Variants in SIL1 observed in about 807,000 individuals in gnomAD.
SIL1 encodes nucleotide exchange factor SIL1.
SIL1 carries 40 observed loss-of-function variants against 49.1 expected under a neutral mutation model. The ratio of observed to expected loss-of-function variants is 0.81; its 90% CI spans 0.63 to 1.06. SIL1 has a LOEUF of 1.06. Ranked by LOEUF, SIL1 falls within the 50% of genes least tolerant of loss-of-function variation. The pLI, the probability that SIL1 is intolerant of heterozygous loss-of-function variation, is 0.00. For missense variants in SIL1, 500 were observed against 572.6 expected (o/e 0.87, Z 1.29); for synonymous variants, 253 against 250.8 (o/e 1.01, Z -0.08).
At chr5:139,123,649 G>T (rs1276224942) in intron 2 of SIL1, among the ~76,000 whole-genome samples, 2 of 152,212 alleles carry the variant, frequency 1.3e-5, no homozygotes, top group African/African-American at 2.4e-5. Flanking sequence ...CCTTGGAGGT[G>T]TGTCAATGAA....
chr5:139,192,980 A>C (rs1752200663), intron 1 of SIL1, among the ~76,000 whole-genome samples: 1 of 142,398 alleles, frequency 7.0e-6, no homozygotes, highest in African/African-American at 2.6e-5. Flanking sequence ...CTGGGCAACA[A>C]GAGCGAAACT....
intron 3 of SIL1, among the ~76,000 whole-genome samples, chr5:139,098,165 G>A (rs1486164092): frequency 1.3e-5 from 2 of 152,102 alleles, no homozygotes; most frequent in Admixed American, 6.5e-5. Context: ...AACAAAACTG[G>A]AGGAATCACA....
intron 3 of SIL1, among the ~76,000 whole-genome samples, chr5:139,115,478 C>T (rs1271165592): frequency 6.6e-6 from 1 of 152,070 alleles, no homozygotes; most frequent in Non-Finnish European, 1.5e-5. Context: ...TCAGCCCCAG[C>T]CCCACTCTGA....
At chr5:139,171,077 G>T (rs554951793) in intron 1 of SIL1, among the ~76,000 whole-genome samples, 3 of 147,796 alleles carry the variant, frequency 2.0e-5, no homozygotes, top group South Asian at 4.3e-4. Context: ...GGAGGGAGGT[G>T]GGGGGGTCAG....
At chr5:139,118,526 G>A in intron 3 of SIL1, among the ~76,000 whole-genome samples, 1 of 152,096 alleles carries the variant, frequency 6.6e-6, no homozygotes, top group Non-Finnish European at 1.5e-5. Context: ...TCTGTGACTT[G>A]CCCAAGATCC....
chr5:139,169,884 C>G (rs13163040), intron 1 of SIL1, among the ~76,000 whole-genome samples: 5 of 81,898 alleles, frequency 6.1e-5, no homozygotes, highest in Non-Finnish European at 7.8e-5. Flanking sequence ...GTCTCCCTCT[C>G]CCTCTCTCTC....
chr5:139,040,506 T>C (rs1581051718), intron 5 of SIL1, among the ~76,000 whole-genome samples: 1 of 143,578 alleles, frequency 7.0e-6, no homozygotes, highest in Non-Finnish European at 1.5e-5. Flanking sequence ...TTCTTTTTTT[T>C]TTTTTTTTTG....
intron 3 of SIL1, among the ~76,000 whole-genome samples, chr5:139,070,403 G>T (rs538075847): frequency 6.6e-6 from 1 of 152,158 alleles, no homozygotes; most frequent in South Asian, 2.1e-4. Context: ...AATGTATGAG[G>T]ATTATAACAT....
At chr5:139,025,101 A>G (rs1045781673) in intron 6 of SIL1, among the ~76,000 whole-genome samples, 1 of 152,204 alleles carries the variant, frequency 6.6e-6, no homozygotes. Context: ...CTTCTGCTAG[A>G]AGGTTAAGCC....
At chr5:139,040,477 A>ATTTT (rs1433157841) in intron 5 of SIL1, among the ~76,000 whole-genome samples, 2 of 95,644 alleles carry the variant, frequency 2.1e-5, no homozygotes, top group Non-Finnish European at 4.2e-5. Context: ...GGAGAGGAGT[A>ATTTT]TTTTTTCTTT....
At chr5:139,005,118 G>A (rs1228627822) in intron 7 of SIL1, among the ~76,000 whole-genome samples, 2 of 152,164 alleles carry the variant, frequency 1.3e-5, no homozygotes, top group Non-Finnish European at 2.9e-5. Context: ...AAATGCTGAG[G>A]CAGGGATGTT....
intron 7 of SIL1, among the ~76,000 whole-genome samples, chr5:138,959,730 G>C (rs1423382931): frequency 6.6e-6 from 1 of 152,212 alleles, no homozygotes; most frequent in Non-Finnish European, 1.5e-5. Flanking sequence ...CCCTACAGTG[G>C]TGGTGCCCAA....
intron 1 of SIL1, among the ~76,000 whole-genome samples, chr5:139,134,906 C>A (rs1482898951): frequency 6.6e-6 from 1 of 152,176 alleles, no homozygotes; most frequent in East Asian, 1.9e-4. Context: ...CACCTCTACA[C>A]AAACAGAAGT....
intron 3 of SIL1, among the ~76,000 whole-genome samples, chr5:139,100,416 G>A (rs1184843671): frequency 6.6e-6 from 1 of 152,188 alleles, no homozygotes; most frequent in Admixed American, 6.5e-5. Context: ...CAAATGAAAT[G>A]ACAGAGGTAA....
At chr5:139,090,485 TA>T (rs1770319665) in intron 3 of SIL1, among the ~76,000 whole-genome samples, 2 of 152,180 alleles carry the variant, frequency 1.3e-5, no homozygotes, top group South Asian at 4.1e-4. Context: ...CCTCTACAAT[TA>T]AAATGGTTTG....
chr5:139,069,592 A>T (rs962957614), intron 3 of SIL1, among the ~76,000 whole-genome samples: 7 of 152,224 alleles, frequency 4.6e-5, no homozygotes, highest in Non-Finnish European at 1.0e-4. Context: ...AGCAACAAAA[A>T]AGAATTATAA....
intron 5 of SIL1, among the ~76,000 whole-genome samples, chr5:139,029,996 G>C (rs987495018): frequency 7.3e-5 from 11 of 151,534 alleles, no homozygotes; most frequent in Non-Finnish European, 1.2e-4. Context: ...CACAGAGCAA[G>C]CATCTTTTCT....
At chr5:138,975,230 C>T (rs1017022813) in intron 7 of SIL1, among the ~76,000 whole-genome samples, 2 of 152,130 alleles carry the variant, frequency 1.3e-5, no homozygotes, top group African/African-American at 2.4e-5. Flanking sequence ...CAATCCATTT[C>T]GAGAAATCCA....
chr5:139,055,721 G>C (rs921795433), intron 3 of SIL1, among the ~76,000 whole-genome samples: 1 of 146,772 alleles, frequency 6.8e-6, no homozygotes, highest in African/African-American at 2.5e-5. Flanking sequence ...CTGATGCCTA[G>C]CCGAAGCTGG....
Sources: allele counts gnomAD v4.1 joint callset (sites outside exome capture counted in the v4.1 genomes callset), GRCh38; gene constraint gnomAD v4.1.1; transcripts MANE v1.5; gene names NCBI Gene and HGNC (gene_info 2026-07-23, HGNC 2026-07-21).